The following PWWP2B variants were observed in gnomAD, a reference collection of about 807,000 sequenced individuals.
PWWP2B encodes PWWP domain containing 2B.
A neutral mutation model predicts 15.5 loss-of-function variants in PWWP2B; 9 were observed. That is an observed-to-expected ratio of 0.58 (90% CI 0.35 to 1.02). The LOEUF (loss-of-function observed/expected upper bound fraction) is 1.02, where lower values mean the gene tolerates loss of function less well. Ranked by LOEUF, PWWP2B falls within the 50% of genes least tolerant of loss-of-function variation. The pLI is 0.02. For missense variants in PWWP2B, 864 were observed against 865.3 expected, an observed-to-expected ratio of 1.00 and a Z score of 0.02; for synonymous variants, 474 against 403.6, an observed-to-expected ratio of 1.17 and a Z score of -2.09.
intron 1 of PWWP2B, among the ~76,000 whole-genome samples, chr10:132,404,120 C>T (rs1590758201): frequency 1.3e-5 from 2 of 150,598 alleles, no homozygotes; most frequent in Admixed American, 1.3e-4. Context: ...CAGGGGCTTG[C>T]TTTGGGGGTT....
In PWWP2B at chr10:132,415,435, ACT is replaced by A. The variant is rs200725197; in HGVS notation, c.*17-1622_*17-1621del. On this transcript the variant is annotated intron_variant, in intron 2 of 2. Coordinates refer to ENST00000305233, the MANE Select transcript of PWWP2B (RefSeq NM_138499.4). Reference sequence around the variant, plus strand: ...CACTCATTTACACACGCACACATGCACTCTCACACTCACATCCACTCACACAC... The same window carrying A: ...CACTCATTTACACACGCACACATGCACTCACACTCACATCCACTCACACAC... Among the ~76,000 whole-genome samples, 1,113 of 146,014 alleles carry A rather than the reference ACT, an allele frequency of 7.6e-3. 10 individuals carry two copies. The highest frequency in any genetic ancestry group is 0.025 in the African/African-American group (981 of 38,514).
chr10:132,404,814 T>G lies in PWWP2B; in HGVS notation c.314T>G (p.Leu105Arg). 158 of 496,892 alleles carry G rather than the reference T, an allele frequency of 3.2e-4. No homozygotes were observed. The highest frequency in any genetic ancestry group is 4.6e-4 in the African/African-American group (9 of 19,748). The allele number at this position is 496,892 out of a possible 1,614,324, so 30.8% of individuals were successfully genotyped here. A position where few individuals can be genotyped will look rare whatever the true frequency, so the allele number is the denominator to read the frequency against. ...ACCCGCCCCGAGCCACCCCCGCCCC[T>G]CGTGCCGCCGCTGCCCGCCGGAAGC... ...ETTRPEPPPP[L>R]VPPLPAGSLP... The change falls in exon 2 of 3, where the codon CTC becomes CGC. Residue 105 changes from leucine to arginine, a missense_variant. Physicochemically the swap from Leu to Arg is moderately radical, Grantham distance 102. Transcript: ENST00000305233.
At chr10:132,398,205 A>G (rs2069563851) in intron 1 of PWWP2B, among the ~76,000 whole-genome samples, 1 of 152,274 alleles carries the variant, frequency 6.6e-6, no homozygotes, top group Non-Finnish European at 1.5e-5. Flanking sequence ...CGTGGAGCCC[A>G]GATTTTTGCC....
In PWWP2B at chr10:132,405,934, G is replaced by A. The variant is rs755877535; in HGVS notation, c.1434G>A (p.Ser478=). Residue 478 remains serine (S), a synonymous_variant, in exon 2 of 3, where the codon TCG becomes TCA. Transcript: ENST00000305233. The part of the protein sequence containing the change: ...LTVRLHTQSV[S]ECITEDGRTV... ...TCAGGCTGCACACACAGAGCGTGTC[G>A]GAGTGCATCACGGAGGACGGCAGGA... is the stretch of plus-strand genomic sequence containing the variant. The A allele has an allele frequency of 1.1e-5, 18 of 1,613,114 alleles. No homozygotes were observed. Among genetic ancestry groups the A allele is most frequent in the East Asian group, 8.9e-5 (4 of 44,888 alleles).
chr10:132,416,774 C>T (rs1239826614), intron 2 of PWWP2B, among the ~76,000 whole-genome samples: 3 of 152,048 alleles, frequency 2.0e-5, no homozygotes, highest in Non-Finnish European at 2.9e-5. Context: ...CCACAAGGCT[C>T]CAGGCCCGCT....
chr10:132,405,826 C>A lies in PWWP2B; in HGVS notation c.1326C>A (p.Asp442Glu), dbSNP rs1342149159. The A allele has an allele frequency of 6.2e-7, 1 of 1,609,642 alleles. No homozygotes were observed. The highest frequency in any genetic ancestry group is 8.5e-7 in the Non-Finnish European group (1 of 1,179,590). ...RSSGSEGTPA[D>E]TGDLSPGHGA... is the part of the protein sequence containing the mutation. Reference sequence around the variant, plus strand: ...CCGGCTCGGAAGGGACGCCGGCAGACACGGGTGACCTCTCGCCTGGCCACG... The same window carrying A: ...CCGGCTCGGAAGGGACGCCGGCAGAAACGGGTGACCTCTCGCCTGGCCACG... The change falls in exon 2 of 3, where the codon GAC (aspartate) becomes GAA (glutamate). Residue 442 changes from aspartate (D) to glutamate (E), a missense_variant. Physicochemically the swap from Asp to Glu is conservative, Grantham distance 45. This residue lies in a region of PWWP2B where 736 missense variants were observed against 687.7 expected (regional missense o/e 1.07). Coordinates refer to ENST00000305233, the MANE Select transcript of PWWP2B (RefSeq NM_138499.4).
intron 1 of PWWP2B, among the ~76,000 whole-genome samples, chr10:132,401,967 G>A (rs1026011008): frequency 4.6e-5 from 7 of 152,216 alleles, no homozygotes; most frequent in Non-Finnish European, 8.8e-5. Flanking sequence ...CCACCAGTGC[G>A]CTGGGGTGCG....
At chr10:132,415,948 TCA>T (rs2069848419) in intron 2 of PWWP2B, among the ~76,000 whole-genome samples, 1 of 152,072 alleles carries the variant, frequency 6.6e-6, no homozygotes, top group Non-Finnish European at 1.5e-5. Flanking sequence ...ACATTCATGC[TCA>T]CACACACATC....
At position 132,406,132 on chromosome 10, in the gene PWWP2B, C is replaced by G; in HGVS notation, c.1632C>G (p.Leu544=). ...PTTSFLSISK[L]SPFSEFFKLR... ...CGTCGTTCTTGTCTATTTCAAAACT[C>G]TCCCCTTTCTCTGAATTTTTCAAAC... Residue 544 remains leucine, a synonymous_variant, in exon 2 of 3, where the codon CTC becomes CTG. Coordinates refer to ENST00000305233, the MANE Select transcript of PWWP2B (RefSeq NM_138499.4). 1 of 1,613,746 alleles carries G rather than the reference C, an allele frequency of 6.2e-7. No individual in the cohort carries two copies. The highest frequency in any genetic ancestry group is 8.5e-7 in the Non-Finnish European group (1 of 1,180,016).
chr10:132,405,651 G>A lies in PWWP2B; in HGVS notation c.1151G>A (p.Ser384Asn). Residue 384 changes from serine (S) to asparagine (N), a missense_variant, in exon 2 of 3, where the codon AGT becomes AAT. Physicochemically the swap from Ser to Asn is conservative, Grantham distance 46 (BLOSUM62 1). This residue lies in a region of PWWP2B where 736 missense variants were observed against 687.7 expected (regional missense o/e 1.07). Coordinates refer to ENST00000305233, the MANE Select transcript of PWWP2B (RefSeq NM_138499.4). ...AGGLADLSSG[S>N]SGEDDDFKSC... ...GGGCTGGCGGACTTGTCTTCTGGAA[G>A]TTCGGGTGAGGACGATGACTTCAAG... The A allele has an allele frequency of 6.2e-7, 1 of 1,612,478 alleles. No individual in the cohort carries two copies. The highest frequency in any genetic ancestry group is 8.5e-7 in the Non-Finnish European group (1 of 1,179,880).
chr10:132,413,185 C>T (rs537851915), intron 2 of PWWP2B, among the ~76,000 whole-genome samples: 2 of 152,234 alleles, frequency 1.3e-5, no homozygotes, highest in East Asian at 3.9e-4. Context: ...GAAATCTTGA[C>T]GTTTAATGTT....
chr10:132,405,220 C>T lies in PWWP2B; in HGVS notation c.720C>T (p.Asp240=). Residue 240 remains aspartate (D), a synonymous_variant, in exon 2 of 3, where the codon GAC becomes GAT. Coordinates refer to ENST00000305233, the MANE Select transcript of PWWP2B (RefSeq NM_138499.4). ...GCAAGAGGGAGAGGCGCGAGGAGGA[C>T]AGGGCCCCGGCAGAGCAGGTCCCGC... ...RRSKRERREE[D]RAPAEQVPRS... is the part of the protein sequence containing the mutation. 1 of 1,598,374 alleles carries T rather than the reference C, an allele frequency of 6.3e-7. No individual in the cohort carries two copies.
Position 132,410,526 on chromosome 10 carries a change from C to T in PWWP2B, c.*16+4237C>T, listed in dbSNP as rs117943637. ...CCGTGTGGGGAGGACCTGAGGGGCT[C>T]GGGACCTTGCCCGTCCTGCACCTCA... is the stretch of plus-strand genomic sequence containing the variant. On this transcript the variant is annotated intron_variant, in intron 2 of 2. Coordinates refer to ENST00000305233, the MANE Select transcript of PWWP2B (RefSeq NM_138499.4). 3.5e-4 allele frequency among the ~76,000 whole-genome samples: 54 copies of T among 152,232 alleles called. No homozygotes were observed. The East Asian group carries it at 6.6e-3, about 19-fold the overall frequency.
At chr10:132,415,732 C>T (rs938624855) in intron 2 of PWWP2B, among the ~76,000 whole-genome samples, 1 of 151,610 alleles carries the variant, frequency 6.6e-6, no homozygotes, top group Admixed American at 6.6e-5. Context: ...CACATCCACT[C>T]ACACACATCC....
In PWWP2B at chr10:132,405,404, C is replaced by T. The variant is rs769028535; in HGVS notation, c.904C>T (p.Arg302Trp). ...CCCCGAGGTGCTGGACAGAGAGTCCCGGGACCGGCCGTCCTGCGCGCCCTC... is the reference window on the plus strand; with the variant it reads ...CCCCGAGGTGCTGGACAGAGAGTCCTGGGACCGGCCGTCCTGCGCGCCCTC... ...QDPEVLDRES[R>W]DRPSCAPSAS... The change falls in exon 2 of 3, where the codon CGG (arginine) becomes TGG (tryptophan). Residue 302 changes from arginine to tryptophan, a missense_variant. Coordinates refer to ENST00000305233, the MANE Select transcript of PWWP2B (RefSeq NM_138499.4). The T allele has an allele frequency of 2.4e-5, 39 of 1,610,886 alleles. No individual in the cohort carries two copies. The highest frequency in any genetic ancestry group is 1.0e-4 in the Admixed American group (6 of 59,930).
In PWWP2B at chr10:132,406,047, A is replaced by T. The variant is rs2069694725; in HGVS notation, c.1547A>T (p.Lys516Met). 1 of 1,613,700 alleles carries T rather than the reference A, an allele frequency of 6.2e-7. No individual in the cohort carries two copies. The highest frequency in any genetic ancestry group is 1.3e-5 in the African/African-American group (1 of 75,070). The change falls in exon 2 of 3, where the codon AAG becomes ATG. Residue 516 changes from lysine (K) to methionine (M), a missense_variant. By Grantham distance (95) the Lys-to-Met change is moderately conservative. Coordinates refer to ENST00000305233, the MANE Select transcript of PWWP2B (RefSeq NM_138499.4). ...GTTCTTGACATCAGTCTCGGCCAGA[A>T]GGAGGACGGAGAGCCGTCTTGGCGA... ...ARVLDISLGQKEDGEPSWREA... is the reference protein window; with the variant it reads ...ARVLDISLGQMEDGEPSWREA...
chr10:132,403,488 C>A (rs543924621), intron 1 of PWWP2B, among the ~76,000 whole-genome samples: 1 of 152,206 alleles, frequency 6.6e-6, no homozygotes, highest in East Asian at 1.9e-4. Flanking sequence ...TTTCCTGACG[C>A]GCTCACAGCA....
Position 132,397,249 on chromosome 10 carries a change from G to A in PWWP2B, c.23G>A (p.Arg8Gln), listed in dbSNP as rs747502136. 1.2e-5 allele frequency: 16 copies of A among 1,280,384 alleles called. No homozygotes were observed. The highest frequency in any genetic ancestry group is 2.3e-5 in the South Asian group (1 of 42,742). 79.3% of individuals were successfully genotyped at this position (1,280,384 alleles called of 1,614,324 possible). Residue 8 changes from arginine (R) to glutamine (Q), a missense_variant, in exon 1 of 3, where the codon CGG (arginine) becomes CAG (glutamine). This residue lies in a region of PWWP2B where 736 missense variants were observed against 687.7 expected (regional missense o/e 1.07). Transcript: ENST00000305233. MEPRAGC[R>Q]LPVRVEQVVN... is the part of the protein sequence containing the mutation. ...AGCATGGAGCCGCGCGCCGGCTGCC[G>A]GCTGCCGGTGCGGGTGGAGCAGGTC... is the stretch of plus-strand genomic sequence containing the variant.
At chr10:132,412,822 C>T (rs536859841) in intron 2 of PWWP2B, among the ~76,000 whole-genome samples, 11 of 152,340 alleles carry the variant, frequency 7.2e-5, no homozygotes, top group Admixed American at 3.9e-4. Context: ...CTCCTTCCAG[C>T]GTGGCCGAGG....
Sources: allele counts gnomAD v4.1 joint callset (sites outside exome capture counted in the v4.1 genomes callset), GRCh38; gene constraint gnomAD v4.1.1; regional missense constraint gnomAD v4.1.1; transcripts MANE v1.5; gene names NCBI Gene and HGNC (gene_info 2026-07-23, HGNC 2026-07-21).